The following APBB2 variants were observed in gnomAD, a reference collection of about 807,000 sequenced individuals.
APBB2 encodes the protein Fe65-like 1.
APBB2 carries 38 observed loss-of-function variants against 82.5 expected under a neutral mutation model. That is an observed-to-expected ratio of 0.46 (90% CI 0.36 to 0.60). APBB2 has a LOEUF of 0.60. APBB2 is among the 20% of genes least tolerant of loss of function. The pLI is 0.00. For synonymous variants in APBB2, 341 were observed against 368.2 expected (o/e 0.93, Z 0.85); for missense variants, 772 against 972.3 (o/e 0.79, Z 2.74).
chr4:40,932,841 T>A (rs1326354742), intron 10 of APBB2, among the ~76,000 whole-genome samples: 1 of 152,130 alleles, frequency 6.6e-6, no homozygotes, highest in African/African-American at 2.4e-5. Flanking sequence ...TTCCGTATGC[T>A]TTCTCTTGGC....
chr4:40,948,890 CAAAAAA>C (rs59172492), intron 6 of APBB2, among the ~76,000 whole-genome samples: 43 of 101,580 alleles, frequency 4.2e-4, no homozygotes, highest in African/African-American at 8.1e-4. Flanking sequence ...ATCCTGTCTC[CAAAAAA>C]AAAAAAAAAA....
intron 6 of APBB2, among the ~76,000 whole-genome samples, chr4:41,004,750 T>C (rs1357734954): frequency 7.3e-6 from 1 of 136,700 alleles, no homozygotes; most frequent in Non-Finnish European, 1.5e-5. Context: ...GGCAGGAGAA[T>C]GGCGTGAACC....
chr4:40,817,834 TATG>T (rs1405505075), intron 17 of APBB2, among the ~76,000 whole-genome samples: 2 of 152,114 alleles, frequency 1.3e-5, no homozygotes, highest in Admixed American at 6.5e-5. Context: ...TCATATGAAA[TATG>T]ATGATTGATT....
At chr4:40,964,561 G>A (rs533598951) in intron 6 of APBB2, among the ~76,000 whole-genome samples, 7 of 152,164 alleles carry the variant, frequency 4.6e-5, no homozygotes, top group South Asian at 2.1e-4. Flanking sequence ...AGGAATGTGC[G>A]GGGTGCTCCC....
At chr4:41,089,645 T>C (rs910856079) in intron 3 of APBB2, among the ~76,000 whole-genome samples, 1 of 152,186 alleles carries the variant, frequency 6.6e-6, no homozygotes, top group African/African-American at 2.4e-5. Context: ...GCTAGAAAGT[T>C]GTGGCTCAAA....
At chr4:40,934,910 G>A (rs959595369) in intron 8 of APBB2, 167 bp downstream of exon 8, 6 of 690,154 alleles carry the variant, frequency 8.7e-6, no homozygotes, top group African/African-American at 5.4e-5. Context: ...CACAATGGGA[G>A]ACACCAAAAA....
intron 3 of APBB2, among the ~76,000 whole-genome samples, chr4:41,094,129 G>T (rs565156591): frequency 7.9e-5 from 12 of 152,172 alleles, no homozygotes; most frequent in East Asian, 5.8e-4. Flanking sequence ...ATAAAAATAA[G>T]AAGAAGAAAA....
chr4:41,019,791 C>T (rs777142496), intron 5 of APBB2, among the ~76,000 whole-genome samples: 7 of 151,918 alleles, frequency 4.6e-5, no homozygotes, highest in Admixed American at 1.3e-4. Flanking sequence ...CTTCCACTGC[C>T]GAAGCCATCA....
At chr4:41,199,843 A>G (rs10034748) in intron 1 of APBB2, among the ~76,000 whole-genome samples, 29,704 of 152,140 alleles carry the variant, frequency 0.2, 3,888 homozygotes, top group African/African-American at 0.37. Flanking sequence ...TACATCAGCT[A>G]TACTTTGTTC....
At chr4:40,935,448 A>G in intron 7 of APBB2, 1 of 316,452 alleles carries the variant, frequency 3.2e-6, no homozygotes. Context: ...AATTCCAAGT[A>G]TTCAATAACT....
chr4:40,834,541 A>G (rs1364935156), intron 12 of APBB2, among the ~76,000 whole-genome samples: 2 of 152,182 alleles, frequency 1.3e-5, no homozygotes, highest in Non-Finnish European at 2.9e-5. Flanking sequence ...CGGGAGAGTC[A>G]TGATCCCTCC....
chr4:40,997,880 T>G (rs1279556001), intron 6 of APBB2, among the ~76,000 whole-genome samples: 1 of 152,204 alleles, frequency 6.6e-6, no homozygotes, highest in African/African-American at 2.4e-5. Flanking sequence ...AAGGTACACA[T>G]AAAGTGCTTC....
chr4:41,095,961 TC>T (rs1743333273), intron 3 of APBB2, among the ~76,000 whole-genome samples: 2 of 152,182 alleles, frequency 1.3e-5, no homozygotes, highest in Non-Finnish European at 2.9e-5. Context: ...TCCACTCTGT[TC>T]TCCACGCTCC....
intron 5 of APBB2, 127 bp from the exon 6 acceptor site, chr4:41,014,525 T>C: frequency 1.1e-6 from 1 of 897,636 alleles, no homozygotes; most frequent in South Asian, 1.5e-5. Flanking sequence ...TCTCATAGAA[T>C]GGACCCATTT....
chr4:40,998,830 G>A (rs1446723173), intron 6 of APBB2, among the ~76,000 whole-genome samples: 2 of 152,164 alleles, frequency 1.3e-5, no homozygotes, highest in South Asian at 2.1e-4. Context: ...TCTGGAAACA[G>A]AGACAGACGG....
chr4:41,180,189 C>A (rs888912479), intron 1 of APBB2, among the ~76,000 whole-genome samples: 3 of 152,152 alleles, frequency 2.0e-5, no homozygotes, highest in Non-Finnish European at 4.4e-5. Context: ...ATGCCTGACC[C>A]CCTCCTCGCT....
intron 6 of APBB2, among the ~76,000 whole-genome samples, chr4:40,979,980 T>C (rs1343423627): frequency 6.6e-6 from 1 of 152,238 alleles, no homozygotes; most frequent in East Asian, 1.9e-4. Flanking sequence ...CTAGGTTTTT[T>C]GGAACAAAAC....
At position 40,946,017 on chromosome 4, in the gene APBB2, G is replaced by C. The variant is rs1788283602; in HGVS notation, c.836-944C>G. On this transcript the variant is annotated intron_variant, in intron 6 of 17. Coordinates refer to ENST00000508593, the MANE Select transcript of APBB2 (RefSeq NM_004307.2). ...GGAGGCCGAGGTGGGTGGATCACCT[G>C]AGGTCAGGAGTTTGAGACCAGCCTG... is the stretch of plus-strand genomic sequence containing the variant. Among the ~76,000 whole-genome samples the C allele has an allele frequency of 2.0e-5, 3 of 152,124 alleles. No homozygotes were observed. The South Asian group carries it at 6.2e-4, about 32-fold the overall frequency.
At chr4:40,825,563 G>A (rs1577708424) in intron 15 of APBB2, among the ~76,000 whole-genome samples, 1 of 152,384 alleles carries the variant, frequency 6.6e-6, no homozygotes, top group East Asian at 1.9e-4. Flanking sequence ...CCTGGCCTCA[G>A]AGATGGAGGC....
Sources: allele counts gnomAD v4.1 joint callset (sites outside exome capture counted in the v4.1 genomes callset), GRCh38; gene constraint gnomAD v4.1.1; transcripts MANE v1.5; gene names NCBI Gene and HGNC (gene_info 2026-07-23, HGNC 2026-07-21).